The following FADS2 variants were observed in gnomAD, a reference collection of about 807,000 sequenced individuals.
FADS2 encodes the protein fatty acid desaturase 2, also known as acyl-CoA 6-desaturase.
A neutral mutation model predicts 61.2 loss-of-function variants in FADS2; 18 were observed. The observed-to-expected ratio is 0.29, with a 90% CI of 0.20 to 0.44. FADS2 has a LOEUF of 0.44. Ranked by LOEUF, FADS2 falls within the 20% of genes least tolerant of loss-of-function variation. The probability of loss-of-function intolerance (pLI) is 1.00; values close to 1 mark genes in which losing one functional copy is unlikely to be tolerated. For missense variants in FADS2, 322 were observed against 572.7 expected (o/e 0.56, Z 4.47); for synonymous variants, 203 against 223.9 (o/e 0.91, Z 0.83).
intron 7 of FADS2, among the ~76,000 whole-genome samples, chr11:61,860,346 A>C (rs1355454056): frequency 6.6e-6 from 1 of 152,180 alleles, no homozygotes; most frequent in Non-Finnish European, 1.5e-5. Context: ...TCTTTGAAGG[A>C]GGCTTCCCGG....
At chr11:61,858,801 G>C (rs751401938) in intron 7 of FADS2, among the ~76,000 whole-genome samples, 1 of 152,072 alleles carries the variant, frequency 6.6e-6, no homozygotes, top group Non-Finnish European at 1.5e-5. Flanking sequence ...GGCCAGGCTG[G>C]TCTCGAACTC....
intron 5 of FADS2, among the ~76,000 whole-genome samples, chr11:61,852,558 G>T (rs934878370): frequency 1.3e-5 from 2 of 152,174 alleles, no homozygotes; most frequent in Non-Finnish European, 2.9e-5. Flanking sequence ...ACTGTGCCCG[G>T]CCAAGGTCTG....
chr11:61,828,460 G>C lies in FADS2; in HGVS notation c.70G>C (p.Glu24Gln), dbSNP rs1432265581. 8.1e-6 allele frequency: 13 copies of C among 1,606,004 alleles called. No individual in the cohort carries two copies. The highest frequency in any genetic ancestry group is 1.1e-5 in the Non-Finnish European group (13 of 1,177,256). ...REVSVPTFSW[E>Q]EIQKHNLRTD... ...GGTGTCGGTGCCCACCTTCAGCTGG[G>C]AGGAGATTCAGAAGCATAACCTGCG... The change falls in exon 1 of 12, where the codon GAG becomes CAG. Residue 24 changes from glutamate (E) to glutamine (Q), a missense_variant. Physicochemically the swap from Glu to Gln is conservative, Grantham distance 29 (BLOSUM62 2). Transcript: ENST00000278840. This position sits in a 1 kb window ranked among gnomAD's most constrained non-coding sequence, Gnocchi z 6.4.
rs199732550 is a variant in FADS2 at position 61,828,637 on chromosome 11, C to T, written c.207+40C>T. ...GCGCCCCAGCCACCCTTCTCTGCTG[C>T]AGGCGGAGTCAGGATCCCTGGCTCC... On this transcript the variant is annotated intron_variant, in intron 1 of 11. Transcript: ENST00000278840. The surrounding 1 kb of genome is among the most constrained non-coding windows in gnomAD (Gnocchi z 6.4). 79 of 1,553,574 alleles carry T rather than the reference C, an allele frequency of 5.1e-5. No individual in the cohort carries two copies. In the African/African-American group the frequency reaches 9.7e-4, roughly 19 times the overall value.
upstream of FADS2, among the ~76,000 whole-genome samples, chr11:61,824,211 GTC>G (rs2067051926): frequency 2.0e-5 from 3 of 151,780 alleles, no homozygotes; most frequent in South Asian, 2.1e-4. Context: ...GAGAAACCCT[GTC>G]TCTACTAAAA....
chr11:61,864,305 G>T (rs111914387), intron 10 of FADS2: 2,765 of 152,484 alleles, frequency 0.018, 83 homozygotes, highest in East Asian at 0.065. Flanking sequence ...CTGAGCTAAA[G>T]TCATCCTCCC....
upstream of FADS2, chr11:61,826,533 TTTC>T (rs1168706687): frequency 6.6e-6 from 4 of 603,376 alleles, no homozygotes; most frequent in African/African-American, 7.4e-5. Context: ...AGAAAATAAT[TTTC>T]TTGGTTCCAT....
chr11:61,850,678 C>T (rs1035495434), intron 5 of FADS2, among the ~76,000 whole-genome samples: 2 of 151,982 alleles, frequency 1.3e-5, no homozygotes, highest in African/African-American at 2.4e-5. Context: ...TAAATATATG[C>T]GCTGCTTTTT....
At chr11:61,847,991 T>C in intron 4 of FADS2, 168 bp from the exon 5 acceptor site, 1 of 690,402 alleles carries the variant, frequency 1.4e-6, no homozygotes, top group Non-Finnish European at 2.4e-6. Flanking sequence ...GGCTGGCGCA[T>C]GCTCTGAGCT....
At chr11:61,831,153 G>A (rs2067125353) in intron 1 of FADS2, among the ~76,000 whole-genome samples, 1 of 152,078 alleles carries the variant, frequency 6.6e-6, no homozygotes, top group South Asian at 2.1e-4. Context: ...AGCAGCGTGG[G>A]GTGGGTGGGG....
At chr11:61,844,683 TG>T (rs959541264) in intron 4 of FADS2, among the ~76,000 whole-genome samples, 5 of 151,996 alleles carry the variant, frequency 3.3e-5, no homozygotes, top group Admixed American at 2.0e-4. Context: ...CCCAGCACTT[TG>T]GGAGGTTGAG....
At chr11:61,820,486 A>G (rs1157835718) in intron 1 of FADS2, among the ~76,000 whole-genome samples, 1 of 152,096 alleles carries the variant, frequency 6.6e-6, no homozygotes, top group Non-Finnish European at 1.5e-5. Flanking sequence ...GGTCAGTGTC[A>G]TGTATTTTGC....
In FADS2 at chr11:61,840,195, G is replaced by A. The variant is rs1027878050; in HGVS notation, c.319-139G>A. 11 of 696,706 alleles carry A rather than the reference G, an allele frequency of 1.6e-5. No homozygotes were observed. The Admixed American group carries it at 2.3e-4, about 15-fold the overall frequency. The allele number at this position is 696,706 out of a possible 1,614,324, so 43.2% of individuals were successfully genotyped here. On this transcript the variant is annotated intron_variant, in intron 2 of 11. Coordinates refer to ENST00000278840, the MANE Select transcript of FADS2 (RefSeq NM_004265.4). ...GCAGCTATTGTAGGGACTCCTGGAG[G>A]GTCGAGGCTTGTGGCTTGGCCCCCT... is the stretch of plus-strand genomic sequence containing the variant.
At chr11:61,834,207 A>G (rs1321448540) in intron 1 of FADS2, among the ~76,000 whole-genome samples, 1 of 152,186 alleles carries the variant, frequency 6.6e-6, no homozygotes, top group Non-Finnish European at 1.5e-5. Flanking sequence ...GGCGGTCCGC[A>G]CCAGGCCTGC....
rs1591158111 is a variant in FADS2, at chr11:61,816,998, G to A, written c.141+572G>A. 19 of 1,332,616 alleles carry A rather than the reference G, an allele frequency of 1.4e-5. No homozygotes were observed. The East Asian group carries it at 2.2e-4, about 15-fold the overall frequency. The allele number at this position is 1,332,616 out of a possible 1,614,324, so 82.5% of individuals were successfully genotyped here. On this transcript the variant is annotated intron_variant, in intron 1 of 11. Transcript: ENST00000257261. The surrounding 1 kb of genome is among the most constrained non-coding windows in gnomAD (Gnocchi z 7.0). ...TGGGTCTTGGGCAACTCACAGCTGG[G>A]CTGCCAACACGCGCCCCCTCGCGGG...
At position 61,844,652 on chromosome 11, in the gene FADS2, G is replaced by A. The variant is rs140702173; in HGVS notation, c.619-3507G>A. On this transcript the variant is annotated intron_variant, in intron 4 of 11. Coordinates refer to ENST00000278840, the MANE Select transcript of FADS2 (RefSeq NM_004265.4). Reference sequence around the variant, plus strand: ...CATTGAAAATGAAATGAGGCCAGGCGCGGTGGCTCACGCCTGTAATCCCAG... The same window carrying A: ...CATTGAAAATGAAATGAGGCCAGGCACGGTGGCTCACGCCTGTAATCCCAG... Among the ~76,000 whole-genome samples the A allele has an allele frequency of 6.2e-3, 942 of 152,236 alleles. 9 individuals carry two copies. Among genetic ancestry groups the A allele is most frequent in the African/African-American group, 0.021 (884 of 41,532 alleles).
intron 5 of FADS2, among the ~76,000 whole-genome samples, chr11:61,852,263 T>C (rs1381094172): frequency 6.6e-6 from 1 of 152,086 alleles, no homozygotes; most frequent in Non-Finnish European, 1.5e-5. Context: ...CTCTTTTTGT[T>C]TTTGTTTTTG....
Position 61,839,645 on chromosome 11 carries a change from C to T in FADS2, c.319-689C>T, listed in dbSNP as rs117505033. On this transcript the variant is annotated intron_variant, in intron 2 of 11. Coordinates refer to ENST00000278840, the MANE Select transcript of FADS2 (RefSeq NM_004265.4). ...GTGGTCAACCATTTTGGTCATTTGA[C>T]GTGTACAGTTCAGTGGCATCAAATA... Among the ~76,000 whole-genome samples, 63 of 152,308 alleles carry T rather than the reference C, an allele frequency of 4.1e-4. 1 individual carries two copies. Among genetic ancestry groups the T allele is most frequent in the East Asian group, 1.9e-4 (1 of 5,190 alleles).
Position 61,828,760 on chromosome 11 carries a change from C to A in FADS2, c.207+163C>A. 1 of 640,972 alleles carries A rather than the reference C, an allele frequency of 1.6e-6. No homozygotes were observed. 39.7% of individuals were successfully genotyped at this position (640,972 alleles called of 1,614,324 possible). A position where few individuals can be genotyped will look rare whatever the true frequency, so the allele number is the denominator to read the frequency against. On this transcript the variant is annotated intron_variant, in intron 1 of 11. Coordinates refer to ENST00000278840, the MANE Select transcript of FADS2 (RefSeq NM_004265.4). The surrounding 1 kb of genome is among the most constrained non-coding windows in gnomAD (Gnocchi z 6.4). ...GCACTCGTACCCCCTCCCCAATCCTCCTCCTCCTCTGGGCCGACTGGGGTG... is the reference window on the plus strand; with the variant it reads ...GCACTCGTACCCCCTCCCCAATCCTACTCCTCCTCTGGGCCGACTGGGGTG...
Sources: allele counts gnomAD v4.1 joint callset (sites outside exome capture counted in the v4.1 genomes callset), GRCh38; gene constraint gnomAD v4.1.1; non-coding constraint Gnocchi (gnomAD v3.1); transcripts MANE v1.5; gene names NCBI Gene and HGNC (gene_info 2026-07-23, HGNC 2026-07-21).